The following DAB1 variants were observed in gnomAD, a reference collection of about 807,000 sequenced individuals.
The protein encoded by DAB1 is DAB adaptor protein 1, also known as disabled homolog 1.
DAB1 carries 15 observed loss-of-function variants against 64.6 expected under a neutral mutation model. The observed-to-expected ratio is 0.23, with a 90% confidence interval of 0.16 to 0.36. The LOEUF is 0.36. DAB1 is among the 10% of genes least tolerant of loss of function. The pLI is 1.00. For missense variants in DAB1, 596 were observed against 706.7 expected, an observed-to-expected ratio of 0.84 and a Z score of 1.78; for synonymous variants, 235 against 251.9, an observed-to-expected ratio of 0.93 and a Z score of 0.64.
intron 1 of DAB1, among the ~76,000 whole-genome samples, chr1:57,376,978 C>T (rs1340693302): frequency 1.3e-5 from 2 of 152,114 alleles, no homozygotes; most frequent in South Asian, 2.1e-4. Flanking sequence ...ATTTAAAAGG[C>T]CGGCCACTGT....
At chr1:57,022,104 T>C (rs1646641619) in intron 11 of DAB1, among the ~76,000 whole-genome samples, 1 of 152,184 alleles carries the variant, frequency 6.6e-6, no homozygotes, top group African/African-American at 2.4e-5. Context: ...GACTAGCACA[T>C]CCCAAGCACC....
intron 1 of DAB1, among the ~76,000 whole-genome samples, chr1:57,410,782 G>A (rs1358513463): frequency 2.6e-5 from 4 of 152,210 alleles, no homozygotes; most frequent in Admixed American, 2.6e-4. Flanking sequence ...GGTTAACCAA[G>A]TGGTTGTCTT....
At chr1:58,242,157 C>A (rs1021227517) in intron 4 of DAB1, among the ~76,000 whole-genome samples, 2 of 151,896 alleles carry the variant, frequency 1.3e-5, no homozygotes, top group Non-Finnish European at 2.9e-5. Flanking sequence ...ATATCTAAAC[C>A]CTTTGACTCA....
intron 6 of DAB1, among the ~76,000 whole-genome samples, chr1:57,743,649 G>A (rs1648115164): frequency 6.6e-6 from 1 of 152,160 alleles, no homozygotes; most frequent in Non-Finnish European, 1.5e-5. Flanking sequence ...AGGGCCTACA[G>A]GTGTGTGCCG....
chr1:57,680,213 G>A (rs1358488963), intron 6 of DAB1, among the ~76,000 whole-genome samples: 1 of 152,200 alleles, frequency 6.6e-6, no homozygotes, highest in Non-Finnish European at 1.5e-5. Context: ...AAAGTCCAAG[G>A]TACTCAGCAA....
chr1:57,923,419 C>G (rs1311992926), intron 5 of DAB1, among the ~76,000 whole-genome samples: 1 of 152,196 alleles, frequency 6.6e-6, no homozygotes, highest in Non-Finnish European at 1.5e-5. Flanking sequence ...CTCTCTATGT[C>G]AGTGTCTATG....
chr1:57,818,352 C>A (rs995997858), intron 6 of DAB1, among the ~76,000 whole-genome samples: 2 of 152,152 alleles, frequency 1.3e-5, no homozygotes, highest in Non-Finnish European at 2.9e-5. Flanking sequence ...CGCCCCATGT[C>A]CCTAAACATT....
chr1:57,780,926 C>CAA (rs1557476714), intron 6 of DAB1, among the ~76,000 whole-genome samples: 5 of 151,306 alleles, frequency 3.3e-5, no homozygotes, highest in African/African-American at 1.2e-4. Context: ...CAGGATTTTG[C>CAA]CATGTTGGCC....
intron 3 of DAB1, among the ~76,000 whole-genome samples, chr1:58,455,977 C>CCACT (rs1266092995): frequency 1.6e-4 from 24 of 152,378 alleles, no homozygotes. Flanking sequence ...GGCTCTACCT[C>CCACT]CACTCAGTGT....
intron 1 of DAB1, among the ~76,000 whole-genome samples, chr1:57,867,716 A>C (rs1654369481): frequency 6.6e-6 from 1 of 152,170 alleles, no homozygotes; most frequent in Admixed American, 6.5e-5. Context: ...AGAGAGGTTA[A>C]GTGAATGGCT....
chr1:58,386,786 G>A (rs767911371), intron 3 of DAB1, among the ~76,000 whole-genome samples: 51 of 152,168 alleles, frequency 3.4e-4, no homozygotes, highest in Admixed American at 2.6e-3. Flanking sequence ...AGAGCCAGGC[G>A]CAGTAGCTCA....
At chr1:57,901,847 C>T (rs17116402) in intron 5 of DAB1, among the ~76,000 whole-genome samples, 7,753 of 152,140 alleles carry the variant, frequency 0.051, 660 homozygotes, top group African/African-American at 0.18. Context: ...CACTGCGAAT[C>T]CCAAATGATG....
chr1:58,161,750 T>C (rs914160242), intron 4 of DAB1, among the ~76,000 whole-genome samples: 3 of 152,166 alleles, frequency 2.0e-5, no homozygotes, highest in African/African-American at 7.2e-5. Flanking sequence ...GCCATTCAGT[T>C]AGTAAGTAGT....
intron 2 of DAB1, among the ~76,000 whole-genome samples, chr1:57,281,635 T>C (rs1671903431): frequency 6.6e-6 from 1 of 152,140 alleles, no homozygotes. Flanking sequence ...AGCCACTCAC[T>C]GAAGGGTTTT....
At chr1:57,409,579 G>A (rs1683936960) in intron 1 of DAB1, among the ~76,000 whole-genome samples, 1 of 152,190 alleles carries the variant, frequency 6.6e-6, no homozygotes, top group Non-Finnish European at 1.5e-5. Flanking sequence ...GGGAGGCCGA[G>A]GTGGGCGGAT....
intron 5 of DAB1, among the ~76,000 whole-genome samples, chr1:57,942,593 C>G (rs1009801701): frequency 6.6e-6 from 1 of 152,186 alleles, no homozygotes; most frequent in Non-Finnish European, 1.5e-5. Flanking sequence ...TTTCAAGTCT[C>G]AATCTTTTTA....
intron 5 of DAB1, among the ~76,000 whole-genome samples, chr1:58,149,027 A>C (rs1654774190): frequency 1.3e-5 from 2 of 152,130 alleles, no homozygotes; most frequent in Non-Finnish European, 2.9e-5. Flanking sequence ...CCTCAGCTTA[A>C]ATATCATGTC....
chr1:57,304,440 T>C (rs1262084681), intron 1 of DAB1, among the ~76,000 whole-genome samples: 1 of 151,668 alleles, frequency 6.6e-6, no homozygotes, highest in Non-Finnish European at 1.5e-5. Context: ...CACTGTTATC[T>C]GGTGTCTGAC....
At chr1:57,103,482 C>T (rs546278794) in intron 4 of DAB1, among the ~76,000 whole-genome samples, 14 of 152,242 alleles carry the variant, frequency 9.2e-5, no homozygotes, top group South Asian at 8.3e-4. Flanking sequence ...GTGGACGTGA[C>T]GTTTAAATGA....
Sources: allele counts gnomAD v4.1 joint callset (sites outside exome capture counted in the v4.1 genomes callset), GRCh38; gene constraint gnomAD v4.1.1; transcripts MANE v1.5; gene names NCBI Gene and HGNC (gene_info 2026-07-23, HGNC 2026-07-21).